ASTN2: variants seen among roughly 807,000 people sequenced by gnomAD.
ASTN2 encodes astrotactin-2.
In ASTN2, 54 loss-of-function variants were observed where a neutral mutation model predicts 139.8. The ratio of observed to expected loss-of-function variants is 0.39; its 90% CI spans 0.31 to 0.48. The LOEUF (loss-of-function observed/expected upper bound fraction) is 0.48, where lower values mean the gene tolerates loss of function less well. Among genes scored for constraint, ASTN2 ranks in the 20% least tolerant of loss-of-function variants. ASTN2 has a pLI of 0.95. For missense variants in ASTN2, 1,565 were observed against 1,725.1 expected (o/e 0.91, Z 1.64); for synonymous variants, 756 against 719.5 (o/e 1.05, Z -0.81).
chr9:116,567,013 G>A (rs896492790), intron 19 of ASTN2, among the ~76,000 whole-genome samples: 1 of 152,304 alleles, frequency 6.6e-6, no homozygotes, highest in African/African-American at 2.4e-5. Context: ...CTTCTCAGAG[G>A]ATCCAAGCTA....
intron 1 of ASTN2, among the ~76,000 whole-genome samples, chr9:117,320,813 C>T (rs1427811914): frequency 6.6e-6 from 1 of 152,188 alleles, no homozygotes; most frequent in African/African-American, 2.4e-5. Flanking sequence ...CCCACCTGAT[C>T]ATGCTGCATA....
intron 2 of ASTN2, among the ~76,000 whole-genome samples, chr9:117,276,713 G>C (rs988619686): frequency 5.9e-5 from 9 of 152,108 alleles, no homozygotes; most frequent in African/African-American, 1.9e-4. Flanking sequence ...AGACAAGGGC[G>C]GGGGAGAGGG....
intron 20 of ASTN2, among the ~76,000 whole-genome samples, chr9:116,456,325 T>A (rs1336045454): frequency 1.3e-5 from 2 of 151,856 alleles, no homozygotes; most frequent in African/African-American, 2.4e-5. Flanking sequence ...TACAAAAAAA[T>A]ATAAAACATT....
At chr9:117,059,037 G>T (rs1242718861) in intron 5 of ASTN2, among the ~76,000 whole-genome samples, 1 of 152,212 alleles carries the variant, frequency 6.6e-6, no homozygotes, top group Non-Finnish European at 1.5e-5. Flanking sequence ...GAGGCAACGT[G>T]TTATAATGCC....
chr9:116,828,142 A>G (rs1037820255), intron 11 of ASTN2, among the ~76,000 whole-genome samples: 1 of 151,866 alleles, frequency 6.6e-6, no homozygotes, highest in Non-Finnish European at 1.5e-5. Context: ...TAAAAATACA[A>G]AAAAATTAGC....
intron 1 of ASTN2, among the ~76,000 whole-genome samples, chr9:117,375,281 C>A (rs1293158787): frequency 3.9e-5 from 6 of 152,172 alleles, no homozygotes; most frequent in African/African-American, 9.7e-5. Context: ...AGGTCATCAT[C>A]CTTCACAAAA....
At chr9:117,196,035 A>T (rs2132979330) in intron 3 of ASTN2, among the ~76,000 whole-genome samples, 1 of 152,268 alleles carries the variant, frequency 6.6e-6, no homozygotes, top group South Asian at 2.1e-4. Context: ...AGCTTTTAAG[A>T]GCTCATTGCC....
intron 3 of ASTN2, among the ~76,000 whole-genome samples, chr9:117,174,457 C>G (rs116771068): frequency 1.8e-3 from 276 of 152,000 alleles, no homozygotes; most frequent in African/African-American, 6.3e-3. Context: ...AACAAATAGA[C>G]TTAAGCATAA....
At chr9:116,740,648 G>A (rs1829074379) in intron 13 of ASTN2, among the ~76,000 whole-genome samples, 1 of 151,640 alleles carries the variant, frequency 6.6e-6, no homozygotes, top group Admixed American at 6.6e-5. Context: ...GAGTAGCTGG[G>A]ACTACAGGCG....
At chr9:117,349,157 C>T (rs1809420071) in intron 1 of ASTN2, among the ~76,000 whole-genome samples, 3 of 152,278 alleles carry the variant, frequency 2.0e-5, no homozygotes, top group East Asian at 1.9e-4. Context: ...CTCATGCACA[C>T]GCACAGCAGA....
chr9:116,963,537 T>C (rs545973757), intron 10 of ASTN2, among the ~76,000 whole-genome samples: 88 of 152,124 alleles, frequency 5.8e-4, no homozygotes, highest in African/African-American at 1.9e-3. Context: ...AGCGGTTGGA[T>C]TGGGGATGTG....
At chr9:116,955,309 T>C (rs1835677251) in intron 10 of ASTN2, among the ~76,000 whole-genome samples, 1 of 152,236 alleles carries the variant, frequency 6.6e-6, no homozygotes. Flanking sequence ...GAAACCATTG[T>C]CCTCATTATG....
chr9:116,525,351 T>C (rs1344197808), intron 19 of ASTN2, among the ~76,000 whole-genome samples: 1 of 152,188 alleles, frequency 6.6e-6, no homozygotes, highest in Non-Finnish European at 1.5e-5. Context: ...TCATGCTCCT[T>C]CTTGGGGCCC....
intron 2 of ASTN2, among the ~76,000 whole-genome samples, chr9:117,248,827 A>C (rs1388736594): frequency 6.6e-6 from 1 of 152,214 alleles, no homozygotes; most frequent in Non-Finnish European, 1.5e-5. Context: ...ACAAGGTCAG[A>C]AACTCTCATG....
At chr9:117,253,507 G>C (rs1054127459) in intron 2 of ASTN2, among the ~76,000 whole-genome samples, 1 of 152,182 alleles carries the variant, frequency 6.6e-6, no homozygotes, top group Non-Finnish European at 1.5e-5. Flanking sequence ...AACTCTAGTG[G>C]AGCTGGACAT....
intron 19 of ASTN2, among the ~76,000 whole-genome samples, chr9:116,489,771 A>AGTCCAATAGAGCAGGTCTTGATG (rs1849454258): frequency 6.6e-6 from 1 of 152,266 alleles, no homozygotes; most frequent in Admixed American, 6.5e-5. Context: ...TTGCTCCTTT[A>AGTCCAATAGAGCAGGTCTTGATG]GTCCAATAGA....
At chr9:116,823,376 C>T (rs1316131480) in intron 11 of ASTN2, among the ~76,000 whole-genome samples, 2 of 152,154 alleles carry the variant, frequency 1.3e-5, no homozygotes, top group Admixed American at 1.3e-4. Flanking sequence ...ACTGACTGAT[C>T]TCTAGTTTTA....
chr9:116,999,551 T>TC (rs199649021), intron 7 of ASTN2, among the ~76,000 whole-genome samples: 82 of 7,842 alleles, frequency 0.01, 3 homozygotes, highest in Middle Eastern at 0.25. Flanking sequence ...TCTCTTTCTT[T>TC]TTTTTTTTTT....
intron 12 of ASTN2, among the ~76,000 whole-genome samples, chr9:116,818,588 C>A (rs537002295): frequency 6.6e-6 from 1 of 152,098 alleles, no homozygotes; most frequent in Non-Finnish European, 1.5e-5. Flanking sequence ...TTCTTTAAGA[C>A]GCTCACAGTC....
Sources: gnomAD v4.1 joint callset for allele counts (sites outside exome capture counted in the v4.1 genomes callset) on GRCh38, gnomAD v4.1.1 for gene constraint, MANE v1.5 for transcripts, NCBI Gene and HGNC (gene_info 2026-07-23, HGNC 2026-07-21) for gene names.